PCDH15: variants seen among roughly 807,000 people sequenced by gnomAD.
PCDH15 encodes the protein protocadherin related 15, also known as protocadherin-15.
Under a neutral mutation model 178.5 loss-of-function variants are expected in PCDH15, and 129 were observed. The observed-to-expected ratio is 0.72, with a 90% CI of 0.63 to 0.84. The LOEUF (loss-of-function observed/expected upper bound fraction) is 0.84. Among genes scored for constraint, PCDH15 ranks in the 40% least tolerant of loss-of-function variants. The probability of loss-of-function intolerance (pLI) is 0.00; values close to 1 mark genes in which losing one functional copy is unlikely to be tolerated. For synonymous variants in PCDH15, 800 were observed against 732.0 expected (o/e 1.09, Z -1.50); for missense variants, 2,230 against 2,099.9 (o/e 1.06, Z -1.21).
intron 2 of PCDH15, among the ~76,000 whole-genome samples, chr10:55,495,115 T>C (rs552513225): frequency 3.3e-5 from 5 of 151,852 alleles, no homozygotes; most frequent in African/African-American, 1.2e-4. Context: ...ATGGATTATA[T>C]ACCTAAATAT....
chr10:53,986,030 C>A (rs2091075452), intron 21 of PCDH15, among the ~76,000 whole-genome samples: 2 of 152,100 alleles, frequency 1.3e-5, no homozygotes, highest in South Asian at 4.1e-4. Context: ...ATTCTTTAAA[C>A]AAATTTTTAA....
At chr10:54,657,719 G>C (rs952031307) in intron 2 of PCDH15, among the ~76,000 whole-genome samples, 1 of 152,074 alleles carries the variant, frequency 6.6e-6, no homozygotes, top group Non-Finnish European at 1.5e-5. Flanking sequence ...ATAAATGATA[G>C]AAAATTCAAA....
In PCDH15 at chr10:54,697,517, A is replaced by G. The variant is rs779696486; in HGVS notation, c.-28-33227T>C. Among the ~76,000 whole-genome samples, 407 of 144,382 alleles carry G rather than the reference A, an allele frequency of 2.8e-3. 1 individual carries two copies. The highest frequency in any genetic ancestry group is 4.7e-3 in the Non-Finnish European group (313 of 66,298). 94.7% of individuals were successfully genotyped at this position (144,382 alleles called of 152,430 possible). A position where few individuals can be genotyped will look rare whatever the true frequency, so the allele number is the denominator to read the frequency against. ...TCGCTATGCTTATTGAAATGTGTGT[A>G]TATATATATATATATATACCTCTTT... On this transcript the variant is annotated intron_variant, in intron 1 of 37. Coordinates refer to ENST00000644397, the MANE Select transcript of PCDH15 (RefSeq NM_001384140.1).
At chr10:54,752,841 A>G (rs1428243275) in intron 1 of PCDH15, among the ~76,000 whole-genome samples, 2 of 152,138 alleles carry the variant, frequency 1.3e-5, no homozygotes, top group African/African-American at 2.4e-5. Flanking sequence ...CCACAGGAAG[A>G]GTAACGCATA....
chr10:54,122,999 T>C (rs1367089109), intron 15 of PCDH15, among the ~76,000 whole-genome samples: 1 of 152,128 alleles, frequency 6.6e-6, no homozygotes, highest in Non-Finnish European at 1.5e-5. Context: ...ACCTACCTTT[T>C]ACTACATACA....
chr10:54,800,562 C>T (rs536250829), intron 1 of PCDH15, among the ~76,000 whole-genome samples: 9 of 152,104 alleles, frequency 5.9e-5, no homozygotes, highest in Non-Finnish European at 1.3e-4. Flanking sequence ...AATTCTGATG[C>T]CATTTTTCTG....
At chr10:55,394,300 A>C (rs1034576956) in intron 2 of PCDH15, among the ~76,000 whole-genome samples, 1 of 150,796 alleles carries the variant, frequency 6.6e-6, no homozygotes, top group Non-Finnish European at 1.5e-5. Context: ...TTTTCCCTTC[A>C]TATTTGTTTC....
intron 2 of PCDH15, among the ~76,000 whole-genome samples, chr10:54,648,124 A>G (rs1260465457): frequency 6.6e-6 from 1 of 152,070 alleles, no homozygotes; most frequent in Non-Finnish European, 1.5e-5. Flanking sequence ...TTTATTACAT[A>G]TTAATTCCAA....
At position 53,822,445 on chromosome 10, in the gene PCDH15, CAGGAGG is replaced by C. The variant is rs754779351; in HGVS notation, c.4368-2221_4368-2216del. ...GGAGGAGGAGCAAGAGGAGCAGGAG[CAGGAGG>C]AGGAGAAGGAGGAGAAATAGGAGGA... is the stretch of plus-strand genomic sequence containing the variant. On this transcript the variant is annotated intron_variant, in intron 32 of 37. Coordinates refer to ENST00000644397, the MANE Select transcript of PCDH15 (RefSeq NM_001384140.1). 16 of 1,591,266 alleles carry C rather than the reference CAGGAGG, an allele frequency of 1.0e-5. No homozygotes were observed. The highest frequency in any genetic ancestry group is 3.5e-5 in the Admixed American group (2 of 57,494).
chr10:55,204,106 T>C (rs1840328802), intron 1 of PCDH15, among the ~76,000 whole-genome samples: 1 of 149,024 alleles, frequency 6.7e-6, no homozygotes, highest in Non-Finnish European at 1.5e-5. Flanking sequence ...ATATATCATA[T>C]ACTTATATTT....
intron 25 of PCDH15, among the ~76,000 whole-genome samples, chr10:53,913,409 A>G (rs117767187): frequency 0.017 from 2,522 of 152,136 alleles, 38 homozygotes; most frequent in Middle Eastern, 0.027. Flanking sequence ...GGCACCGAAA[A>G]CCAAAATAGA....
At chr10:54,493,878 C>T (rs1589701963) in intron 3 of PCDH15, among the ~76,000 whole-genome samples, 1 of 152,042 alleles carries the variant, frequency 6.6e-6, no homozygotes, top group African/African-American at 2.4e-5. Context: ...AAATGTGGCA[C>T]ATATACACCA....
intron 2 of PCDH15, among the ~76,000 whole-genome samples, chr10:54,598,133 A>G (rs1461271017): frequency 6.6e-6 from 1 of 152,118 alleles, no homozygotes; most frequent in Non-Finnish European, 1.5e-5. Flanking sequence ...TCATTCTATG[A>G]GGCCAGTATC....
intron 1 of PCDH15, among the ~76,000 whole-genome samples, chr10:54,725,189 T>C (rs1942299865): frequency 6.6e-6 from 1 of 151,310 alleles, no homozygotes. Flanking sequence ...TCCAATACTT[T>C]AACCATTTCT....
At chr10:54,780,395 ACTGCAAAAC>A (rs1591598206) in intron 1 of PCDH15, among the ~76,000 whole-genome samples, 1 of 152,152 alleles carries the variant, frequency 6.6e-6, no homozygotes, top group East Asian at 1.9e-4. Context: ...TCAGCTGTTT[ACTGCAAAAC>A]CTGCAAGGCT....
intron 2 of PCDH15, among the ~76,000 whole-genome samples, chr10:55,145,450 G>A (rs1023169112): frequency 2.0e-5 from 3 of 152,002 alleles, no homozygotes; most frequent in Non-Finnish European, 4.4e-5. Flanking sequence ...TGTTAGAGAA[G>A]AGTGTGAACA....
intron 21 of PCDH15, among the ~76,000 whole-genome samples, chr10:53,969,956 G>A (rs1333248844): frequency 6.6e-6 from 1 of 152,074 alleles, no homozygotes; most frequent in African/African-American, 2.4e-5. Context: ...ATCAACTAAC[G>A]AGCAAAATAA....
chr10:55,610,114 G>A (rs1456898522), intron 2 of PCDH15, among the ~76,000 whole-genome samples: 2 of 152,048 alleles, frequency 1.3e-5, no homozygotes, highest in African/African-American at 2.4e-5. Flanking sequence ...GAATCCATCA[G>A]TTGCAGATTT....
At chr10:55,226,095 C>T (rs1180467638) in intron 1 of PCDH15, among the ~76,000 whole-genome samples, 1 of 152,062 alleles carries the variant, frequency 6.6e-6, no homozygotes, top group Non-Finnish European at 1.5e-5. Context: ...TCAAATCAAA[C>T]TATGCTTAAA....
Sources: allele counts gnomAD v4.1 joint callset (sites outside exome capture counted in the v4.1 genomes callset), GRCh38; gene constraint gnomAD v4.1.1; transcripts MANE v1.5; gene names NCBI Gene and HGNC (gene_info 2026-07-23, HGNC 2026-07-21).